The following UBR1 variants were observed in gnomAD, a reference collection of about 807,000 sequenced individuals.
The protein encoded by UBR1 is ubiquitin protein ligase E3 component n-recognin 1, also known as E3 ubiquitin-protein ligase UBR1.
UBR1 carries 102 observed loss-of-function variants against 242.1 expected under a neutral mutation model. That is an observed-to-expected ratio of 0.42 (90% CI 0.36 to 0.50). The LOEUF (loss-of-function observed/expected upper bound fraction) is 0.50, where lower values mean the gene tolerates loss of function less well. UBR1 is among the 20% of genes least tolerant of loss of function. UBR1 has a pLI of 0.01. For synonymous variants in UBR1, 675 were observed against 684.8 expected (o/e 0.99, Z 0.22); for missense variants, 1,772 against 2,101.8 (o/e 0.84, Z 3.07).
chr15:42,956,663 TGCTTGCA>T (rs1315229134), intron 44 of UBR1, among the ~76,000 whole-genome samples: 2 of 152,150 alleles, frequency 1.3e-5, no homozygotes. Context: ...CCTGGTGAAA[TGCTTGCA>T]GCATCCAGGG....
intron 10 of UBR1, among the ~76,000 whole-genome samples, chr15:43,057,340 CA>C (rs2033630855): frequency 6.6e-6 from 1 of 152,174 alleles, no homozygotes; most frequent in Admixed American, 6.5e-5. Flanking sequence ...TTGCCTACAA[CA>C]ATCATTATTT....
chr15:43,074,878 C>G, intron 4 of UBR1, 101 bp downstream of exon 4: 1 of 983,676 alleles, frequency 1.0e-6, no homozygotes, highest in Non-Finnish European at 1.6e-6. Flanking sequence ...AGAATAAAAA[C>G]AGCAGGGTTC....
Position 42,989,062 on chromosome 15 carries a change from T to G in UBR1, c.3849-95A>C. The G allele has an allele frequency of 2.8e-6, 3 of 1,064,190 alleles. No homozygotes were observed. In the South Asian group the frequency reaches 4.2e-5, roughly 15 times the overall value. 65.9% of individuals were successfully genotyped at this position (1,064,190 alleles called of 1,614,324 possible). On this transcript the variant is annotated intron_variant, in intron 34 of 46. Transcript: ENST00000290650. The stretch of plus-strand genomic sequence containing the variant: ...CCTGAAGCAACAGAAACAATTTAAC[T>G]GCTTTCAACATAAGTAAACTGCTCT...
At chr15:43,048,583 A>G in intron 12 of UBR1, 92 bp from the exon 13 acceptor site, 1 of 958,190 alleles carries the variant, frequency 1.0e-6, no homozygotes, top group South Asian at 1.5e-5. Flanking sequence ...GATTTATAAA[A>G]ATTATGGATT....
chr15:43,033,675 A>C (rs527420575), intron 19 of UBR1, among the ~76,000 whole-genome samples: 1 of 152,236 alleles, frequency 6.6e-6, no homozygotes, highest in East Asian at 1.9e-4. Context: ...AAAAATTTAT[A>C]TATTTATTTA....
At chr15:43,010,659 G>C (rs367981787) in intron 29 of UBR1, among the ~76,000 whole-genome samples, 58 of 152,050 alleles carry the variant, frequency 3.8e-4, no homozygotes, top group African/African-American at 1.3e-3. Context: ...CTGACATTCA[G>C]TTTTCAAGAG....
chr15:42,973,286 T>G (rs1291158866), intron 39 of UBR1, among the ~76,000 whole-genome samples: 1 of 152,054 alleles, frequency 6.6e-6, no homozygotes, highest in East Asian at 1.9e-4. Flanking sequence ...GCATGAGCTA[T>G]TGCACCTGGC....
At chr15:43,055,367 C>G (rs1006838615) in intron 11 of UBR1, among the ~76,000 whole-genome samples, 1 of 151,996 alleles carries the variant, frequency 6.6e-6, no homozygotes, top group Non-Finnish European at 1.5e-5. Flanking sequence ...TCGCTTGAAC[C>G]AGGAGGCGGA....
At chr15:42,949,601 C>CA (rs2031795435) in intron 46 of UBR1, among the ~76,000 whole-genome samples, 1 of 38,188 alleles carries the variant, frequency 2.6e-5, no homozygotes, top group South Asian at 1.2e-3. Context: ...GAATTCCAGA[C>CA]CAGCCTGGCC....
At chr15:43,044,792 G>A (rs1334036596) in intron 14 of UBR1, among the ~76,000 whole-genome samples, 1 of 152,280 alleles carries the variant, frequency 6.6e-6, no homozygotes, top group Admixed American at 6.5e-5. Context: ...CTACTCAGGA[G>A]GCTGAGGCAG....
intron 30 of UBR1, among the ~76,000 whole-genome samples, chr15:43,005,172 C>CT (rs1331148081): frequency 2.0e-5 from 3 of 151,708 alleles, no homozygotes; most frequent in Non-Finnish European, 4.4e-5. Flanking sequence ...TGAAGAGCCC[C>CT]TCCGCCCAGC....
At chr15:43,030,988 T>C (rs2033250127) in intron 20 of UBR1, among the ~76,000 whole-genome samples, 1 of 152,208 alleles carries the variant, frequency 6.6e-6, no homozygotes, top group Admixed American at 6.5e-5. Context: ...AGAATTTCAG[T>C]GCTAGAAGAA....
At chr15:43,081,049 A>G (rs2033969007) in intron 3 of UBR1, among the ~76,000 whole-genome samples, 1 of 152,232 alleles carries the variant, frequency 6.6e-6, no homozygotes, top group Non-Finnish European at 1.5e-5. Context: ...TCATATGATA[A>G]AAGTATGTTT....
At chr15:43,087,041 A>T (rs149926916) in intron 1 of UBR1, among the ~76,000 whole-genome samples, 56 of 152,266 alleles carry the variant, frequency 3.7e-4, no homozygotes, top group Non-Finnish European at 7.2e-4. Flanking sequence ...AAAAACAAAA[A>T]CAAAACACAT....
chr15:42,970,227 A>G (rs2032181447), intron 40 of UBR1, among the ~76,000 whole-genome samples: 1 of 152,234 alleles, frequency 6.6e-6, no homozygotes, highest in Non-Finnish European at 1.5e-5. Flanking sequence ...AAACCTGACA[A>G]AAACAAGCAA....
chr15:43,043,834 A>C (rs1389664447), intron 14 of UBR1, among the ~76,000 whole-genome samples: 1 of 152,214 alleles, frequency 6.6e-6, no homozygotes, highest in East Asian at 1.9e-4. Context: ...GGATCTGCAA[A>C]CTTGTAGGAA....
chr15:42,986,108 C>T (rs1051776457), intron 35 of UBR1, among the ~76,000 whole-genome samples: 1 of 151,664 alleles, frequency 6.6e-6, no homozygotes, highest in African/African-American at 2.4e-5. Context: ...TTTCACTGAT[C>T]CTTAGCAGCA....
chr15:43,007,213 T>G lies in UBR1; in HGVS notation c.3281A>C (p.Glu1094Ala), dbSNP rs200690084. 35 of 1,614,122 alleles carry G rather than the reference T, an allele frequency of 2.2e-5. No individual in the cohort carries two copies. The highest frequency in any genetic ancestry group is 1.6e-5 in the Non-Finnish European group (19 of 1,180,026). Residue 1094 changes from glutamate to alanine, a missense_variant, in exon 30 of 47, where the codon GAG becomes GCG. Physicochemically the swap from Glu to Ala is moderately radical, Grantham distance 107. Coordinates refer to ENST00000290650, the MANE Select transcript of UBR1 (RefSeq NM_174916.3). Reference sequence around the variant, plus strand: ...TTGGCAAAGGATGCACGTCAGCACCTCCTTTTCAGTAACAGATGGACCCCG... The same window carrying G: ...TTGGCAAAGGATGCACGTCAGCACCGCCTTTTCAGTAACAGATGGACCCCG... The part of the protein sequence containing the change: ...PKRGPSVTEK[E>A]VLTCILCQEE...
At chr15:43,023,377 AG>A (rs1383116862) in intron 25 of UBR1, among the ~76,000 whole-genome samples, 1 of 151,906 alleles carries the variant, frequency 6.6e-6, no homozygotes, top group African/African-American at 2.4e-5. Context: ...GGATCACCTG[AG>A]GTCAGGAGTT....
Sources: allele counts gnomAD v4.1 joint callset (sites outside exome capture counted in the v4.1 genomes callset), GRCh38; gene constraint gnomAD v4.1.1; transcripts MANE v1.5; gene names NCBI Gene and HGNC (gene_info 2026-07-23, HGNC 2026-07-21).